The following HLF variants were observed in gnomAD, a reference collection of about 807,000 sequenced individuals.
HLF encodes the protein hepatic leukemia factor.
HLF carries 3 observed loss-of-function variants against 22.6 expected under a neutral mutation model. That is an observed-to-expected ratio of 0.13 (90% CI 0.06 to 0.34). The LOEUF (loss-of-function observed/expected upper bound fraction) is 0.34, where lower values mean the gene tolerates loss of function less well. HLF is among the 10% of genes least tolerant of loss of function. The pLI is 1.00. For missense variants in HLF, 299 were observed against 389.2 expected, an observed-to-expected ratio of 0.77 and a Z score of 1.95; for synonymous variants, 151 against 151.8, an observed-to-expected ratio of 0.99 and a Z score of 0.04.
chr17:55,303,675 T>A (rs1323800855), intron 2 of HLF, among the ~76,000 whole-genome samples: 2 of 152,200 alleles, frequency 1.3e-5, no homozygotes, highest in African/African-American at 2.4e-5. Flanking sequence ...GGGGTGGATT[T>A]TGGGATTAGC....
intron 3 of HLF, among the ~76,000 whole-genome samples, chr17:55,319,771 A>G (rs767171076): frequency 9.9e-5 from 15 of 152,084 alleles, no homozygotes; most frequent in Non-Finnish European, 1.5e-4. Flanking sequence ...TATCTATTAT[A>G]TGATATTGTA....
chr17:55,312,867 GAT>G (rs1904895109), intron 2 of HLF, among the ~76,000 whole-genome samples: 2 of 152,112 alleles, frequency 1.3e-5, no homozygotes, highest in Non-Finnish European at 2.9e-5. Flanking sequence ...ATCCACAGGA[GAT>G]AGGAAAAAAT....
chr17:55,268,123 G>A, intron 2 of HLF, 37 bp downstream of exon 2: 2 of 1,415,872 alleles, frequency 1.4e-6, no homozygotes, highest in Non-Finnish European at 1.9e-6. Flanking sequence ...AGAAAGGGAG[G>A]AGGAGGGTGA....
At chr17:55,275,837 G>A (rs748729744) in intron 2 of HLF, among the ~76,000 whole-genome samples, 1 of 152,210 alleles carries the variant, frequency 6.6e-6, no homozygotes, top group Non-Finnish European at 1.5e-5. Flanking sequence ...ATGATACCAT[G>A]ATTAGAAAAC....
chr17:55,305,985 G>T (rs1904529959), intron 2 of HLF, among the ~76,000 whole-genome samples: 1 of 152,228 alleles, frequency 6.6e-6, no homozygotes, highest in African/African-American at 2.4e-5. Context: ...TATGGAAAAT[G>T]GGTATATGAA....
At chr17:55,305,003 G>T (rs909277477) in intron 2 of HLF, among the ~76,000 whole-genome samples, 5 of 152,190 alleles carry the variant, frequency 3.3e-5, no homozygotes, top group African/African-American at 4.8e-5. Flanking sequence ...TTGAAACAGG[G>T]TTCAAAATGT....
intron 2 of HLF, among the ~76,000 whole-genome samples, chr17:55,311,478 TG>T (rs1483806985): frequency 2.0e-5 from 3 of 152,034 alleles, no homozygotes; most frequent in African/African-American, 7.2e-5. Flanking sequence ...CACTCCAGCC[TG>T]GGTGACAGAG....
At chr17:55,285,378 A>G (rs1315178214) in intron 2 of HLF, among the ~76,000 whole-genome samples, 3 of 152,010 alleles carry the variant, frequency 2.0e-5, no homozygotes, top group Non-Finnish European at 4.4e-5. Flanking sequence ...ATGGGATTCC[A>G]TGGATTGTTT....
chr17:55,292,184 G>A (rs1404713834), intron 2 of HLF, among the ~76,000 whole-genome samples: 6 of 152,218 alleles, frequency 3.9e-5, no homozygotes, highest in Non-Finnish European at 7.3e-5. Context: ...TGAGAGGATC[G>A]ACTCCAATTT....
Position 55,323,538 on chromosome 17 carries a change from C to A in HLF, c.*2659C>A. 1 of 216,230 alleles carries A rather than the reference C, an allele frequency of 4.6e-6. No homozygotes were observed. The highest frequency in any genetic ancestry group is 9.3e-6 in the Non-Finnish European group (1 of 107,822). 13.4% of individuals were successfully genotyped at this position (216,230 alleles called of 1,614,324 possible). Reference sequence around the variant, plus strand: ...TAAAAAGATTCTAATAAAATGTATTCTCTTGTGTGCCAGGAGAGGTTTCAG... The same window carrying A: ...TAAAAAGATTCTAATAAAATGTATTATCTTGTGTGCCAGGAGAGGTTTCAG... On this transcript the variant is annotated 3_prime_UTR_variant, in exon 4 of 4. Coordinates refer to ENST00000226067, the MANE Select transcript of HLF (RefSeq NM_002126.5).
rs141584909 is a variant in HLF, at chr17:55,266,788, A to G, written c.116-963A>G. 46 of 984,188 alleles carry G rather than the reference A, an allele frequency of 4.7e-5. No homozygotes were observed. The African/African-American group carries it at 7.5e-4, about 16-fold the overall frequency. 61.0% of individuals were successfully genotyped at this position (984,188 alleles called of 1,614,324 possible). A position where few individuals can be genotyped will look rare whatever the true frequency, so the allele number is the denominator to read the frequency against. On this transcript the variant is annotated intron_variant, in intron 1 of 3. Transcript: ENST00000226067. The stretch of plus-strand genomic sequence containing the variant: ...TCCTTAATCCCAGATTCCACCCACG[A>G]CTGAATACTAGAATTGGCAAGATCC...
rs775884594 is a variant in HLF, at chr17:55,267,805, C to T, written c.170C>T (p.Pro57Leu). 3 of 1,610,412 alleles carry T rather than the reference C, an allele frequency of 1.9e-6. No individual in the cohort carries two copies. The highest frequency in any genetic ancestry group is 1.3e-5 in the African/African-American group (1 of 74,778). The change falls in exon 2 of 4, where the codon CCG becomes CTG. Residue 57 changes from proline to leucine, a missense_variant. Pro to Leu is a moderately conservative substitution (Grantham distance 98). Around this residue, in one of 3 missense-constraint regions of HLF, gnomAD observed 72 missense variants for 74.0 expected, o/e 0.97. Coordinates refer to ENST00000226067, the MANE Select transcript of HLF (RefSeq NM_002126.5). ...EKKLDDESNS[P>L]TVPQSAFLGP... ...AAGCTGGATGATGAGAGTAACAGCCCGACGGTCCCCCAGTCGGCATTCCTG... is the reference window on the plus strand; with the variant it reads ...AAGCTGGATGATGAGAGTAACAGCCTGACGGTCCCCCAGTCGGCATTCCTG...
intron 2 of HLF, among the ~76,000 whole-genome samples, chr17:55,304,031 G>T (rs1904423978): frequency 6.6e-6 from 1 of 152,050 alleles, no homozygotes; most frequent in African/African-American, 2.4e-5. Context: ...CAATATGAGT[G>T]TGGGAAAGGG....
intron 2 of HLF, among the ~76,000 whole-genome samples, chr17:55,300,090 C>T (rs2081143643): frequency 6.6e-6 from 1 of 152,212 alleles, no homozygotes; most frequent in Non-Finnish European, 1.5e-5. Flanking sequence ...CCTCCCTCCT[C>T]AGCCTCCCAA....
chr17:55,295,146 A>G (rs2081100868), intron 2 of HLF, among the ~76,000 whole-genome samples: 1 of 152,204 alleles, frequency 6.6e-6, no homozygotes, highest in Non-Finnish European at 1.5e-5. Flanking sequence ...CAGGTTGTAT[A>G]TGAGGTAGAA....
intron 2 of HLF, among the ~76,000 whole-genome samples, chr17:55,312,911 A>G (rs1489323584): frequency 6.6e-6 from 1 of 152,242 alleles, no homozygotes; most frequent in East Asian, 1.9e-4. Flanking sequence ...TGACATTTTG[A>G]AATGAAAGGA....
At chr17:55,289,151 T>C (rs1381267352) in intron 2 of HLF, among the ~76,000 whole-genome samples, 1 of 152,180 alleles carries the variant, frequency 6.6e-6, no homozygotes, top group Non-Finnish European at 1.5e-5. Flanking sequence ...CAGGATTTGG[T>C]TTACAGAATG....
intron 2 of HLF, among the ~76,000 whole-genome samples, chr17:55,296,576 CCATATTAATA>C (rs2081113457): frequency 6.6e-6 from 1 of 152,034 alleles, no homozygotes; most frequent in Non-Finnish European, 1.5e-5. Context: ...GGAGATTTTT[CCATATTAATA>C]CATATAGATC....
chr17:55,308,151 A>G (rs1904668608), intron 2 of HLF, among the ~76,000 whole-genome samples: 2 of 152,234 alleles, frequency 1.3e-5, no homozygotes, highest in African/African-American at 4.8e-5. Flanking sequence ...TGTGACCCAC[A>G]CGGGTCTGCA....
Sources: allele counts gnomAD v4.1 joint callset (sites outside exome capture counted in the v4.1 genomes callset), GRCh38; gene constraint gnomAD v4.1.1; regional missense constraint gnomAD v4.1.1; transcripts MANE v1.5; gene names NCBI Gene and HGNC (gene_info 2026-07-23, HGNC 2026-07-21).